Variants in WDFY1 observed in about 807,000 individuals in gnomAD.
WDFY1 encodes the protein WD repeat and FYVE domain containing 1.
In WDFY1, 32 loss-of-function variants were observed where a neutral mutation model predicts 56.4. The ratio of observed to expected loss-of-function variants is 0.57; its 90% confidence interval spans 0.43 to 0.76. The LOEUF (loss-of-function observed/expected upper bound fraction) is 0.76. Among genes scored for constraint, WDFY1 ranks in the 30% least tolerant of loss-of-function variants. WDFY1 has a pLI of 0.00. For synonymous variants in WDFY1, 192 were observed against 197.3 expected (o/e 0.97, Z 0.23); for missense variants, 480 against 545.7 (o/e 0.88, Z 1.20).
Position 223,882,024 on chromosome 2 carries a change from T to TG in WDFY1, c.981dup (p.Lys328GlnfsTer18). The TG allele has an allele frequency of 6.2e-7, 1 of 1,614,048 alleles. No homozygotes were observed. Among genetic ancestry groups the TG allele is most frequent in the South Asian group, 1.1e-5 (1 of 91,082 alleles). ...CCCATGACTGGGTAACTTGAGCGCTTGCTGCTGCACTTCCCGCAGACAGCC... is the reference window on the plus strand; with the variant it reads ...CCCATGACTGGGTAACTTGAGCGCTTGGCTGCTGCACTTCCCGCAGACAGCC... On this transcript the variant is annotated frameshift_variant, in exon 10 of 12. Transcript: ENST00000233055. LOFTEE classifies it high-confidence loss of function.
At chr2:223,926,945 G>C (rs1255689916) in intron 1 of WDFY1, among the ~76,000 whole-genome samples, 1 of 152,172 alleles carries the variant, frequency 6.6e-6, no homozygotes, top group African/African-American at 2.4e-5. Flanking sequence ...TGGTATTACA[G>C]GTGTCAGCCA....
intron 5 of WDFY1, 96 bp downstream of exon 5, chr2:223,901,087 C>T: frequency 7.1e-7 from 1 of 1,405,554 alleles, no homozygotes; most frequent in Non-Finnish European, 9.5e-7. Flanking sequence ...AGGTTTCATT[C>T]AGTCTTTAGA....
At chr2:223,930,034 T>C (rs1559174933) in intron 1 of WDFY1, among the ~76,000 whole-genome samples, 1 of 152,124 alleles carries the variant, frequency 6.6e-6, no homozygotes, top group South Asian at 2.1e-4. Context: ...AATTACTTTT[T>C]CCCCCCAAAT....
intron 1 of WDFY1, among the ~76,000 whole-genome samples, chr2:223,942,789 C>T (rs1466323180): frequency 6.8e-6 from 1 of 147,478 alleles, no homozygotes; most frequent in Non-Finnish European, 1.5e-5. Context: ...CCCGCCTCGG[C>T]CTCCCAAAGT....
At chr2:223,907,654 T>C (rs1206410370) in intron 3 of WDFY1, among the ~76,000 whole-genome samples, 3 of 152,202 alleles carry the variant, frequency 2.0e-5, no homozygotes, top group Non-Finnish European at 2.9e-5. Flanking sequence ...TGGCTTCTCA[T>C]TATATGTGTG....
intron 3 of WDFY1, 37 bp from the exon 4 acceptor site, chr2:223,906,038 T>C: frequency 1.4e-6 from 2 of 1,464,696 alleles, no homozygotes; most frequent in Non-Finnish European, 1.8e-6. Context: ...ATTAAAAGAG[T>C]TATGGTTTTA....
At chr2:223,909,809 G>A (rs998116583) in intron 3 of WDFY1, among the ~76,000 whole-genome samples, 6 of 152,050 alleles carry the variant, frequency 3.9e-5, no homozygotes, top group South Asian at 2.1e-4. Flanking sequence ...CACCCAGGCC[G>A]CTAAAACAAT....
chr2:223,942,978 C>T (rs569794392), intron 1 of WDFY1, among the ~76,000 whole-genome samples: 2 of 150,738 alleles, frequency 1.3e-5, no homozygotes, highest in Non-Finnish European at 3.0e-5. Flanking sequence ...GTCAGGAGAT[C>T]GAGACCATCC....
rs34949257 is a variant in WDFY1 at position 223,918,630 on chromosome 2, C to CA, written c.138-621dup. Among the ~76,000 whole-genome samples the CA allele has an allele frequency of 1.8e-3, 243 of 137,748 alleles. 2 individuals are homozygous for CA. Among genetic ancestry groups the CA allele is most frequent in the East Asian group, 9.7e-3 (44 of 4,540 alleles). The allele number at this position is 137,748 out of a possible 152,430, so 90.4% of individuals were successfully genotyped here. On this transcript the variant is annotated intron_variant, in intron 1 of 11. Transcript: ENST00000233055. ...TGGGCTACAGAGTGAGACTCTGTCT[C>CA]AAAAAAAAAAAAAAGAAAAACAAAT... is the stretch of plus-strand genomic sequence containing the variant.
intron 8 of WDFY1, among the ~76,000 whole-genome samples, chr2:223,885,084 C>T (rs1693150241): frequency 6.6e-6 from 1 of 152,088 alleles, no homozygotes; most frequent in Non-Finnish European, 1.5e-5. Context: ...TCCCAAAGTG[C>T]TGGGATTATA....
At chr2:223,897,370 A>G (rs1355958651) in intron 6 of WDFY1, among the ~76,000 whole-genome samples, 9 of 18,508 alleles carry the variant, frequency 4.9e-4, no homozygotes, top group African/African-American at 1.0e-3. Context: ...ATATATATAT[A>G]TATATATATA....
chr2:223,932,902 G>A (rs1694103306), intron 1 of WDFY1, among the ~76,000 whole-genome samples: 1 of 150,606 alleles, frequency 6.6e-6, no homozygotes, highest in Non-Finnish European at 1.5e-5. Context: ...CATGCTAGAT[G>A]GTTTCTATAA....
At chr2:223,930,215 T>G (rs1470210986) in intron 1 of WDFY1, among the ~76,000 whole-genome samples, 4 of 152,220 alleles carry the variant, frequency 2.6e-5, no homozygotes, top group Admixed American at 6.5e-5. Flanking sequence ...TAAGTGCCTG[T>G]GGTGAAACAA....
intron 8 of WDFY1, among the ~76,000 whole-genome samples, chr2:223,887,648 A>G (rs574191968): frequency 1.3e-5 from 2 of 152,306 alleles, no homozygotes; most frequent in African/African-American, 4.8e-5. Context: ...TTGAACACAC[A>G]GTGTCTATTA....
intron 2 of WDFY1, among the ~76,000 whole-genome samples, chr2:223,915,378 G>A (rs1041721464): frequency 2.6e-5 from 4 of 152,116 alleles, no homozygotes; most frequent in African/African-American, 9.6e-5. Flanking sequence ...ACTGCCACTT[G>A]CCCGAGATCT....
chr2:223,920,189 T>C (rs1693865439), intron 1 of WDFY1, among the ~76,000 whole-genome samples: 1 of 152,206 alleles, frequency 6.6e-6, no homozygotes, highest in South Asian at 2.1e-4. Flanking sequence ...GTATGCGATT[T>C]GAAGGCTGTC....
At chr2:223,913,298 G>T (rs1012272186) in intron 2 of WDFY1, among the ~76,000 whole-genome samples, 4 of 151,992 alleles carry the variant, frequency 2.6e-5, no homozygotes, top group Admixed American at 2.6e-4. Flanking sequence ...TCTCTAGTAG[G>T]GTGATATCCT....
intron 1 of WDFY1, among the ~76,000 whole-genome samples, chr2:223,935,883 G>C (rs1308998489): frequency 1.3e-5 from 2 of 152,102 alleles, no homozygotes; most frequent in Non-Finnish European, 2.9e-5. Flanking sequence ...ATACAGGAGA[G>C]AGGGCAAGTG....
At chr2:223,889,265 T>C (rs776824566) in intron 8 of WDFY1, among the ~76,000 whole-genome samples, 6 of 152,156 alleles carry the variant, frequency 3.9e-5, no homozygotes, top group Non-Finnish European at 7.4e-5. Flanking sequence ...TAGCAAGTCG[T>C]CACAAAGTCT....
Sources: gnomAD v4.1 joint callset for allele counts (sites outside exome capture counted in the v4.1 genomes callset) on GRCh38, gnomAD v4.1.1 for gene constraint, MANE v1.5 for transcripts, NCBI Gene and HGNC (gene_info 2026-07-23, HGNC 2026-07-21) for gene names.